Variants in CEBPZ observed in about 807,000 individuals in gnomAD.
CEBPZ encodes CCAAT/enhancer-binding protein zeta.
CEBPZ carries 78 observed loss-of-function variants against 104.5 expected under a neutral mutation model. The ratio of observed to expected loss-of-function variants is 0.75; its 90% confidence interval spans 0.62 to 0.90. CEBPZ has a LOEUF of 0.90. Ranked by LOEUF, CEBPZ falls within the 40% of genes least tolerant of loss-of-function variation. The pLI is 0.00. For synonymous variants in CEBPZ, 470 were observed against 427.0 expected (o/e 1.10, Z -1.24); for missense variants, 1,439 against 1,233.5 (o/e 1.17, Z -2.50).
Position 37,228,403 on chromosome 2 carries a change from GAA to G in CEBPZ, c.788_789del (p.Leu263ProfsTer11). 2 of 1,614,222 alleles carry G rather than the reference GAA, an allele frequency of 1.2e-6. No individual in the cohort carries two copies. The highest frequency in any genetic ancestry group is 1.7e-6 in the Non-Finnish European group (2 of 1,180,038). On this transcript the variant is annotated frameshift_variant, in exon 2 of 16. Transcript: ENST00000234170. LOFTEE classifies it high-confidence loss of function. ...AGGTTCACAAGAGTTTCTACAAACT[GAA>G]GTGTGTGAACGGCATCATCCTGAAT... Reference protein sequence around the residue: ...LLIQDDAVHTLQFVETLVNLV... With the variant: ...LLIQDDAVHTXQFVETLVNLV...
intron 13 of CEBPZ, chr2:37,204,614 G>T (rs1388752806): frequency 1.3e-5 from 2 of 152,036 alleles, no homozygotes; most frequent in African/African-American, 2.4e-5. Flanking sequence ...TCATTGTGTT[G>T]CCCAGGCTGA....
intron 1 of CEBPZ, 165 bp downstream of exon 1, chr2:37,231,247 A>T (rs1273830012): frequency 1.1e-6 from 1 of 870,360 alleles, no homozygotes; most frequent in Non-Finnish European, 1.9e-6. Flanking sequence ...TGTAAACAGC[A>T]GTGGAAACCG....
chr2:37,220,263 G>A (rs1005481235), intron 5 of CEBPZ, 122 bp downstream of exon 5: 2 of 268,066 alleles, frequency 7.5e-6, no homozygotes, highest in Non-Finnish European at 1.4e-5. Flanking sequence ...GTTACAGTGA[G>A]CCACAATCAT....
chr2:37,228,633 T>G lies in CEBPZ; in HGVS notation c.560A>C (p.Glu187Ala). 1 of 1,614,166 alleles carries G rather than the reference T, an allele frequency of 6.2e-7. No individual in the cohort carries two copies. Among genetic ancestry groups the G allele is most frequent in the Non-Finnish European group, 8.5e-7 (1 of 1,180,038 alleles). ...LRPGGKWYDL[E>A]YSNEYSLKPQ... Reference sequence around the variant, plus strand: ...TTTCAAAGAATATTCATTGCTGTACTCCAGATCATACCATTTGCCTCCAGG... The same window carrying G: ...TTTCAAAGAATATTCATTGCTGTACGCCAGATCATACCATTTGCCTCCAGG... The change falls in exon 2 of 16, where the codon GAG (glutamate) becomes GCG (alanine). Residue 187 changes from glutamate (E) to alanine (A), a missense_variant. Physicochemically the swap from Glu to Ala is moderately radical, Grantham distance 107 (BLOSUM62 -1). Transcript: ENST00000234170.
chr2:37,215,104 C>A, intron 8 of CEBPZ, 152 bp from the exon 9 acceptor site: 1 of 597,412 alleles, frequency 1.7e-6, no homozygotes, highest in Non-Finnish European at 3.0e-6. Flanking sequence ...GTGCAAGGGA[C>A]AATCTCTGAA....
At chr2:37,210,751 C>A in intron 13 of CEBPZ, 1 of 380,032 alleles carries the variant, frequency 2.6e-6, no homozygotes, top group African/African-American at 2.1e-5. Flanking sequence ...CCTACCTGTT[C>A]CCCAAAAACA....
At chr2:37,221,104 G>A (rs1558475574) in intron 4 of CEBPZ, among the ~76,000 whole-genome samples, 1 of 152,174 alleles carries the variant, frequency 6.6e-6, no homozygotes, top group Non-Finnish European at 1.5e-5. Context: ...AAGGCTGCTT[G>A]AGACCAAGAG....
At chr2:37,221,433 G>T (rs1043881750) in intron 4 of CEBPZ, among the ~76,000 whole-genome samples, 2 of 152,218 alleles carry the variant, frequency 1.3e-5, no homozygotes, top group Admixed American at 1.3e-4. Flanking sequence ...GAAATAATCT[G>T]AAGATGAACT....
In CEBPZ at chr2:37,201,673, G is replaced by A. The variant is rs1028801657; in HGVS notation, c.*91C>T. ...ACAAATCCACTGAGAAGTCTGGAAT[G>A]TATGGAATCAGAGAGCTAGATCAAA... On this transcript the variant is annotated 3_prime_UTR_variant, in exon 16 of 16. Transcript: ENST00000234170. 2.5e-6 allele frequency: 2 copies of A among 807,264 alleles called. No individual in the cohort carries two copies. The highest frequency in any genetic ancestry group is 1.5e-5 in the South Asian group (1 of 68,644). The allele number at this position is 807,264 out of a possible 1,614,324, so 50.0% of individuals were successfully genotyped here.
chr2:37,213,851 C>T lies in CEBPZ; in HGVS notation c.2545+13G>A. The T allele has an allele frequency of 6.4e-7, 1 of 1,565,940 alleles. No homozygotes were observed. The stretch of plus-strand genomic sequence containing the variant: ...AGTAGATTATTTTACAAAGAGTCAA[C>T]AAAACAAATTACCAATCAGCTCTTC... On this transcript the variant is annotated intron_variant, in intron 10 of 15. Transcript: ENST00000234170.
chr2:37,217,693 G>C (rs1159761898), intron 5 of CEBPZ, among the ~76,000 whole-genome samples: 1 of 151,358 alleles, frequency 6.6e-6, no homozygotes, highest in Non-Finnish European at 1.5e-5. Context: ...ACGAGGTCAG[G>C]AGATCGAGAC....
chr2:37,227,716 C>G lies in CEBPZ; in HGVS notation c.1477G>C (p.Ala493Pro). The G allele has an allele frequency of 1.9e-6, 3 of 1,614,154 alleles. No individual in the cohort carries two copies. Among genetic ancestry groups the G allele is most frequent in the Non-Finnish European group, 2.5e-6 (3 of 1,180,028 alleles). Residue 493 changes from alanine to proline, a missense_variant, in exon 2 of 16, where the codon GCA (alanine) becomes CCA (proline). Transcript: ENST00000234170. ...LSALLTGVNR[A>P]YPYSQTGDDK... ...TCACCAGTCTGGGAATAAGGGTATG[C>G]CCTATTCACACCTGTTAAAAGGGCG...
intron 5 of CEBPZ, among the ~76,000 whole-genome samples, chr2:37,219,277 G>A (rs1664709681): frequency 6.6e-6 from 1 of 152,140 alleles, no homozygotes; most frequent in Admixed American, 6.5e-5. Context: ...CTTTAGGTAG[G>A]CAGCACAGGT....
At chr2:37,205,223 T>C (rs1215674185) in intron 13 of CEBPZ, among the ~76,000 whole-genome samples, 2 of 151,986 alleles carry the variant, frequency 1.3e-5, no homozygotes, top group African/African-American at 2.4e-5. Flanking sequence ...ATGAAACTTT[T>C]TGTCAGGCCT....
rs997236083 is a variant in CEBPZ at position 37,212,326 on chromosome 2, G to C, written c.2603+9C>G. On this transcript the variant is annotated intron_variant, in intron 11 of 15. Transcript: ENST00000234170. Reference sequence around the variant, plus strand: ...GAAAAATAGGAAGGAGAAGATAGAAGTATGTTACCCAGCAAAATCCATATC... The same window carrying C: ...GAAAAATAGGAAGGAGAAGATAGAACTATGTTACCCAGCAAAATCCATATC... 1.2e-6 allele frequency: 2 copies of C among 1,610,738 alleles called. No individual in the cohort carries two copies. The highest frequency in any genetic ancestry group is 1.7e-6 in the Non-Finnish European group (2 of 1,177,236).
At position 37,220,370 on chromosome 2, in the gene CEBPZ, T is replaced by C. The variant is rs1337910196; in HGVS notation, c.2154+15A>G. On this transcript the variant is annotated intron_variant, in intron 5 of 15. Transcript: ENST00000234170. ...ATAGCATAAATGAATAAAAGACAATTTGAAATTATTTTACCTTTTTGAGTT... is the reference window on the plus strand; with the variant it reads ...ATAGCATAAATGAATAAAAGACAATCTGAAATTATTTTACCTTTTTGAGTT... 4 of 1,351,324 alleles carry C rather than the reference T, an allele frequency of 3.0e-6. No homozygotes were observed. The highest frequency in any genetic ancestry group is 4.7e-5 in the East Asian group (2 of 42,208). 83.7% of individuals were successfully genotyped at this position (1,351,324 alleles called of 1,614,324 possible).
chr2:37,210,730 T>G, intron 13 of CEBPZ: 1 of 331,196 alleles, frequency 3.0e-6, no homozygotes, highest in Non-Finnish European at 5.6e-6. Context: ...CTTACCTATG[T>G]AACCAAACAC....
intron 6 of CEBPZ, 71 bp from the exon 7 acceptor site, chr2:37,216,489 G>T: frequency 1.8e-6 from 2 of 1,114,436 alleles, no homozygotes; most frequent in Non-Finnish European, 2.7e-6. Flanking sequence ...GAAAAAGGAA[G>T]AAAAAGATAA....
intron 4 of CEBPZ, among the ~76,000 whole-genome samples, chr2:37,222,163 A>T (rs1280328878): frequency 4.6e-5 from 7 of 152,166 alleles, no homozygotes; most frequent in Admixed American, 3.3e-4. Flanking sequence ...ACATGCCTGT[A>T]ATCCCAGCTA....
Sources: allele counts gnomAD v4.1 joint callset (sites outside exome capture counted in the v4.1 genomes callset), GRCh38; gene constraint gnomAD v4.1.1; transcripts MANE v1.5; gene names NCBI Gene and HGNC (gene_info 2026-07-23, HGNC 2026-07-21).